NXPH1: variants seen among roughly 807,000 people sequenced by gnomAD.
NXPH1 encodes neurexophilin-1.
In NXPH1, 5 loss-of-function variants were observed where a neutral mutation model predicts 23.7. The ratio of observed to expected loss-of-function variants is 0.21; its 90% confidence interval spans 0.11 to 0.44. NXPH1 has a LOEUF of 0.44. Among genes scored for constraint, NXPH1 ranks in the 20% least tolerant of loss-of-function variants. The pLI, the probability that NXPH1 is intolerant of heterozygous loss-of-function variation, is 0.99. For missense variants in NXPH1, 324 were observed against 321.6 expected (o/e 1.01, Z -0.06); for synonymous variants, 144 against 122.2 (o/e 1.18, Z -1.18).
chr7:8,728,466 G>T (rs1780094404), intron 2 of NXPH1, among the ~76,000 whole-genome samples: 1 of 152,128 alleles, frequency 6.6e-6, no homozygotes. Flanking sequence ...TATGATATTG[G>T]CTGTGGGTTT....
At chr7:8,482,865 T>C (rs17149567) in intron 2 of NXPH1, among the ~76,000 whole-genome samples, 8,783 of 152,196 alleles carry the variant, frequency 0.058, 814 homozygotes, top group African/African-American at 0.2. Context: ...GTTAGAAGAA[T>C]TGTCACTCTA....
At chr7:8,728,417 A>G (rs1025040182) in intron 2 of NXPH1, among the ~76,000 whole-genome samples, 2 of 152,128 alleles carry the variant, frequency 1.3e-5, no homozygotes. Flanking sequence ...GTCTTGTGCC[A>G]GTTTTCAAAG....
At chr7:8,719,325 T>C (rs1356952959) in intron 2 of NXPH1, among the ~76,000 whole-genome samples, 5 of 152,206 alleles carry the variant, frequency 3.3e-5, no homozygotes, top group Non-Finnish European at 7.3e-5. Context: ...GAGCTGATGA[T>C]GGCTCCAGGC....
chr7:8,583,910 G>A (rs1045748462), intron 2 of NXPH1, among the ~76,000 whole-genome samples: 3 of 152,148 alleles, frequency 2.0e-5, no homozygotes, highest in Admixed American at 6.5e-5. Context: ...TAAAGTGGTG[G>A]TCAAGCTTCC....
chr7:8,726,426 C>T (rs1224186344), intron 2 of NXPH1, among the ~76,000 whole-genome samples: 1 of 151,288 alleles, frequency 6.6e-6, no homozygotes, highest in Middle Eastern at 3.2e-3. Flanking sequence ...TGCTGGTGCG[C>T]TGCACCCACT....
chr7:8,457,793 G>A (rs778629430), intron 2 of NXPH1, among the ~76,000 whole-genome samples: 1 of 152,062 alleles, frequency 6.6e-6, no homozygotes, highest in Non-Finnish European at 1.5e-5. Context: ...ATATTGATGT[G>A]TTTAAGATCA....
chr7:8,654,424 C>T (rs34403051), intron 2 of NXPH1, among the ~76,000 whole-genome samples: 108,849 of 151,244 alleles, frequency 0.72, 39,691 homozygotes, highest in East Asian at 1. Flanking sequence ...CTTATTCTTA[C>T]TCTGAATTTT....
chr7:8,499,204 TAA>T (rs942080575), intron 2 of NXPH1, among the ~76,000 whole-genome samples: 4 of 152,184 alleles, frequency 2.6e-5, no homozygotes, highest in African/African-American at 9.6e-5. Context: ...GAAAGTACTT[TAA>T]AGTCTCTTCT....
chr7:8,658,933 A>G (rs1213439832), intron 2 of NXPH1, among the ~76,000 whole-genome samples: 2 of 152,114 alleles, frequency 1.3e-5, no homozygotes, highest in Non-Finnish European at 2.9e-5. Flanking sequence ...ATAACTTAAT[A>G]TTTAAATGCT....
intron 2 of NXPH1, among the ~76,000 whole-genome samples, chr7:8,505,271 G>C (rs1003827784): frequency 4.6e-5 from 7 of 151,806 alleles, no homozygotes; most frequent in Non-Finnish European, 7.4e-5. Flanking sequence ...TCACTGCTTG[G>C]TTTTCAAAAC....
intron 2 of NXPH1, among the ~76,000 whole-genome samples, chr7:8,471,422 G>A (rs951831405): frequency 1.3e-5 from 2 of 152,112 alleles, no homozygotes; most frequent in African/African-American, 2.4e-5. Context: ...AGGGTTGGAA[G>A]GACAGAGGGT....
chr7:8,462,701 A>G (rs1230606020), intron 2 of NXPH1, among the ~76,000 whole-genome samples: 2 of 152,238 alleles, frequency 1.3e-5, no homozygotes, highest in Non-Finnish European at 2.9e-5. Flanking sequence ...AGATATCTCA[A>G]AACAACATGT....
intron 2 of NXPH1, among the ~76,000 whole-genome samples, chr7:8,450,827 T>C (rs2128605413): frequency 6.6e-6 from 1 of 152,380 alleles, no homozygotes; most frequent in Admixed American, 6.5e-5. Context: ...TGACCCATCA[T>C]TGGCTCAATA....
At chr7:8,445,128 T>A (rs766614814) in intron 2 of NXPH1, among the ~76,000 whole-genome samples, 1 of 152,364 alleles carries the variant, frequency 6.6e-6, no homozygotes, top group Non-Finnish European at 1.5e-5. Context: ...TTATGTAGCA[T>A]GCTGAGAAAG....
At chr7:8,474,165 T>C (rs1196302177) in intron 2 of NXPH1, among the ~76,000 whole-genome samples, 5 of 152,170 alleles carry the variant, frequency 3.3e-5, no homozygotes, top group Admixed American at 6.6e-5. Context: ...ATTTTCCTTA[T>C]TGTAATTAGG....
chr7:8,465,070 G>A lies in NXPH1; in HGVS notation c.54+29303G>A, dbSNP rs118145731. On this transcript the variant is annotated intron_variant, in intron 2 of 2. Transcript: ENST00000405863. ...GGCGGATATAGATACCAGGACTTGG[G>A]AAGGAGAACAATTCTAACTAGAAAC... Among the ~76,000 whole-genome samples the A allele has an allele frequency of 6.3e-3, 954 of 152,276 alleles. 21 individuals are homozygous for A. Among genetic ancestry groups the A allele is most frequent in the East Asian group, 0.041 (211 of 5,174 alleles).
chr7:8,588,041 C>T (rs1819015308), intron 2 of NXPH1, among the ~76,000 whole-genome samples: 2 of 152,078 alleles, frequency 1.3e-5, no homozygotes, highest in Non-Finnish European at 2.9e-5. Flanking sequence ...ATCAAAATGA[C>T]AATGAGATAC....
intron 2 of NXPH1, among the ~76,000 whole-genome samples, chr7:8,592,362 AG>A (rs763455977): frequency 1.3e-5 from 2 of 151,976 alleles, no homozygotes; most frequent in African/African-American, 2.4e-5. Context: ...CATGCATGAC[AG>A]GTTTATGTGC....
At chr7:8,727,702 T>G (rs2115212819) in intron 2 of NXPH1, among the ~76,000 whole-genome samples, 1 of 152,250 alleles carries the variant, frequency 6.6e-6, no homozygotes, top group Non-Finnish European at 1.5e-5. Context: ...TCTATATCTC[T>G]GTTTTGGTAC....
Sources: allele counts gnomAD v4.1 joint callset (sites outside exome capture counted in the v4.1 genomes callset), GRCh38; gene constraint gnomAD v4.1.1; transcripts MANE v1.5; gene names NCBI Gene and HGNC (gene_info 2026-07-23, HGNC 2026-07-21).